XG: variants seen among roughly 807,000 people sequenced by gnomAD.
The protein encoded by XG is glycoprotein Xg.
XG carries 24 observed loss-of-function variants against 25.7 expected under a neutral mutation model. The ratio of observed to expected loss-of-function variants is 0.93; its 90% confidence interval spans 0.68 to 1.31. XG has a LOEUF of 1.31. Among genes scored for constraint, XG ranks in the 40% most tolerant of loss-of-function variants. XG has a pLI of 0.00. For synonymous variants in XG, 77 were observed against 69.2 expected (o/e 1.11, Z -0.56); for missense variants, 181 against 187.6 (o/e 0.96, Z 0.21).
At chrX:2,770,168 C>T (rs1188848167) in intron 1 of XG, among the ~76,000 whole-genome samples, 3 of 152,100 alleles carry the variant, frequency 2.0e-5, no homozygotes, top group East Asian at 1.9e-4. Context: ...CAGGTTGCAA[C>T]GTGAACGCAA....
chrX:2,800,555 C>T (rs908374176), intron 7 of XG, among the ~76,000 whole-genome samples: 7 of 112,442 alleles, frequency 6.2e-5, no homozygotes, highest in African/African-American at 1.6e-4. Context: ...CAATGCATGA[C>T]GCTCGACTGT....
rs1169367678 is a variant in XG at position 2,808,216 on chromosome X, A to G, written c.450A>G (p.Pro150=). 6.6e-6 allele frequency: 8 copies of G among 1,209,310 alleles called. No homozygotes were observed. The African/African-American group carries it at 1.4e-4, about 21-fold the overall frequency. The part of the protein sequence containing the change: ...GGDHHSTYGN[P]EGNMVAKIVS... ...ATCACCATTCAACGTATGGCAATCCAGAAGGTAACTGATTGACTCACCCGG... is the reference window on the plus strand; with the variant it reads ...ATCACCATTCAACGTATGGCAATCCGGAAGGTAACTGATTGACTCACCCGG... The change falls in exon 9 of 11, where the codon CCA becomes CCG. Residue 150 remains proline, a synonymous_variant. Transcript: ENST00000644266.
chrX:2,774,684 A>G (rs1355172423), intron 2 of XG, 32 bp from the exon 3 acceptor site: 20 of 1,613,606 alleles, frequency 1.2e-5, no homozygotes, highest in Non-Finnish European at 1.6e-5. Context: ...TCTTCAATGC[A>G]TATTGCATTT....
chrX:2,800,681 C>T (rs1233548491), intron 7 of XG, among the ~76,000 whole-genome samples: 1 of 111,517 alleles, frequency 9.0e-6, no homozygotes, highest in African/African-American at 3.3e-5. Context: ...TGCTCATTAC[C>T]TGGGGTCAAG....
intron 3 of XG, among the ~76,000 whole-genome samples, chrX:2,777,510 T>C: frequency 6.6e-6 from 1 of 152,246 alleles, no homozygotes. Context: ...GGAGGATCAC[T>C]TGAGCCCCAG....
intron 2 of XG, among the ~76,000 whole-genome samples, chrX:2,772,314 C>A (rs1294274492): frequency 6.6e-6 from 1 of 152,134 alleles, no homozygotes; most frequent in Non-Finnish European, 1.5e-5. Context: ...TGGAAACAAC[C>A]CAACTGTCCA....
chrX:2,804,107 T>C (rs1375477110), intron 7 of XG, among the ~76,000 whole-genome samples: 4 of 112,547 alleles, frequency 3.6e-5, no homozygotes, highest in Non-Finnish European at 7.5e-5. Context: ...CCTCCCAAAG[T>C]GCTGGGATTA....
At chrX:2,779,534 G>A (rs769227245) in intron 3 of XG, among the ~76,000 whole-genome samples, 1 of 152,124 alleles carries the variant, frequency 6.6e-6, no homozygotes, top group South Asian at 2.1e-4. Flanking sequence ...AATTCATGGG[G>A]GATTAGTTTT....
intron 2 of XG, among the ~76,000 whole-genome samples, chrX:2,771,405 G>A (rs1302933969): frequency 6.6e-6 from 1 of 152,146 alleles, no homozygotes; most frequent in Non-Finnish European, 1.5e-5. Context: ...CCAGGGCACT[G>A]AGGACCTGGA....
chrX:2,796,636 G>T (rs1379404195), intron 6 of XG, among the ~76,000 whole-genome samples: 1 of 111,604 alleles, frequency 9.0e-6, no homozygotes, highest in Non-Finnish European at 1.9e-5. Context: ...GACTATAGGA[G>T]ACAGAGATGC....
chrX:2,783,707 G>C lies in XG; in HGVS notation c.190+1579G>C, dbSNP rs1025843040. On this transcript the variant is annotated intron_variant, in intron 4 of 10. Transcript: ENST00000644266. The stretch of plus-strand genomic sequence containing the variant: ...ACTACACCTCAGGCCGGGCGTGGGG[G>C]CTCACGCCTGGAATCCCAGCACTTT... Among the ~76,000 whole-genome samples the C allele has an allele frequency of 5.3e-5, 6 of 112,915 alleles. 1 individual carries two copies. Among genetic ancestry groups the C allele is most frequent in the Non-Finnish European group, 9.4e-5 (5 of 53,342 alleles).
intron 5 of XG, among the ~76,000 whole-genome samples, chrX:2,792,523 TTTTC>T (rs1386257755): frequency 4.3e-5 from 4 of 92,231 alleles, no homozygotes; most frequent in African/African-American, 8.0e-5. Context: ...TTCTTTTTCT[TTTTC>T]TTTCTTTTTC....
intron 5 of XG, among the ~76,000 whole-genome samples, chrX:2,792,117 C>T (rs2086842681): frequency 9.1e-6 from 1 of 110,452 alleles, no homozygotes; most frequent in Non-Finnish European, 1.9e-5. Context: ...ACCCCATCTC[C>T]ATTAAAATAC....
intron 1 of XG, among the ~76,000 whole-genome samples, chrX:2,769,854 C>T (rs1163652265): frequency 6.6e-6 from 1 of 152,100 alleles, no homozygotes; most frequent in African/African-American, 2.4e-5. Context: ...AACAAACAGC[C>T]CCCAAAGAAT....
intron 1 of XG, among the ~76,000 whole-genome samples, chrX:2,761,303 G>A (rs2050560024): frequency 6.6e-6 from 1 of 152,090 alleles, no homozygotes; most frequent in African/African-American, 2.4e-5. Flanking sequence ...ACAGGGAGAA[G>A]AGGGTGTCTA....
At chrX:2,776,498 G>C (rs1479333418) in intron 3 of XG, among the ~76,000 whole-genome samples, 1 of 152,020 alleles carries the variant, frequency 6.6e-6, no homozygotes, top group Non-Finnish European at 1.5e-5. Context: ...CAGCCTGCAC[G>C]AGTTCAGTCC....
intron 1 of XG, among the ~76,000 whole-genome samples, chrX:2,767,971 C>G (rs2050736751): frequency 6.6e-6 from 1 of 152,172 alleles, no homozygotes; most frequent in African/African-American, 2.4e-5. Flanking sequence ...TCCCCACCCC[C>G]AATTCCTGTC....
chrX:2,808,141 A>G (rs761220583), intron 8 of XG, 44 bp from the exon 9 acceptor site: 1 of 1,205,002 alleles, frequency 8.3e-7, no homozygotes, highest in Admixed American at 2.2e-5. Flanking sequence ...AAGGCCCTCC[A>G]TAAGCTCTGC....
chrX:2,761,103 A>T (rs2050556109), intron 1 of XG, among the ~76,000 whole-genome samples: 1 of 152,188 alleles, frequency 6.6e-6, no homozygotes, highest in Non-Finnish European at 1.5e-5. Context: ...GTGCGTCTCC[A>T]AAATTTATAT....
Sources: gnomAD v4.1 joint callset for allele counts (sites outside exome capture counted in the v4.1 genomes callset) on GRCh38, gnomAD v4.1.1 for gene constraint, MANE v1.5 for transcripts, NCBI Gene and HGNC (gene_info 2026-07-23, HGNC 2026-07-21) for gene names.